Variants in ZNF274 observed in about 807,000 individuals in gnomAD.
The protein encoded by ZNF274 is neurotrophin receptor-interacting factor homolog.
In ZNF274, 23 loss-of-function variants were observed where a neutral mutation model predicts 42.5. The observed-to-expected ratio is 0.54, with a 90% CI of 0.39 to 0.77. The LOEUF (loss-of-function observed/expected upper bound fraction) is 0.77, where lower values mean the gene tolerates loss of function less well. ZNF274 is among the 30% of genes least tolerant of loss of function. The pLI is 0.00. For synonymous variants in ZNF274, 292 were observed against 305.4 expected (o/e 0.96, Z 0.46); for missense variants, 679 against 806.5 (o/e 0.84, Z 1.91).
Position 58,211,736 on chromosome 19 carries a change from A to G in ZNF274, c.979+50A>G, listed in dbSNP as rs2076042886. 1 of 1,573,558 alleles carries G rather than the reference A, an allele frequency of 6.4e-7. No homozygotes were observed. Among genetic ancestry groups the G allele is most frequent in the African/African-American group, 1.4e-5 (1 of 73,852 alleles). On this transcript the variant is annotated intron_variant, in intron 7 of 7. Coordinates refer to ENST00000617501, the MANE Select transcript of ZNF274 (RefSeq NM_133502.3). This position sits in a 1 kb window ranked among gnomAD's most constrained non-coding sequence, Gnocchi z 4.8. ...CACCTCAGGGCTGGTAGGCCACAGG[A>G]GCCCCAAGTCAGGGGTGTTCACCTT...
At chr19:58,202,839 C>T (rs1005037800) in intron 4 of ZNF274, among the ~76,000 whole-genome samples, 9 of 152,178 alleles carry the variant, frequency 5.9e-5, no homozygotes, top group African/African-American at 2.2e-4. Context: ...TCACCAGTTT[C>T]TGGGTTTGTG....
chr19:58,210,306 G>A (rs2076025747), intron 6 of ZNF274: 1 of 438,062 alleles, frequency 2.3e-6, no homozygotes. Context: ...AGCTGAGAAA[G>A]CAGGAGGCAA....
At chr19:58,195,084 G>A (rs2075825613) in intron 4 of ZNF274, among the ~76,000 whole-genome samples, 1 of 151,740 alleles carries the variant, frequency 6.6e-6, no homozygotes. Flanking sequence ...TGTAGTCCCA[G>A]CTACTCGGGA....
At chr19:58,209,353 A>C (rs1232762754) in intron 5 of ZNF274, 1 of 152,384 alleles carries the variant, frequency 6.6e-6, no homozygotes, top group African/African-American at 2.4e-5. Flanking sequence ...GTGGGGGTAG[A>C]TTAGCATTGT....
chr19:58,187,135 C>T, intron 4 of ZNF274, 93 bp downstream of exon 4: 1 of 1,093,368 alleles, frequency 9.1e-7, no homozygotes, highest in Non-Finnish European at 1.3e-6. Context: ...ATTGGGATAC[C>T]CCAGGTGGGA....
chr19:58,184,777 C>T (rs1179249875), intron 2 of ZNF274: 1 of 152,056 alleles, frequency 6.6e-6, no homozygotes, highest in Non-Finnish European at 1.5e-5. Flanking sequence ...CAGAGAATTC[C>T]CTAGGAGGCA....
intron 3 of ZNF274, 45 bp from the exon 4 acceptor site, chr19:58,186,902 C>T (rs11669824): frequency 1.3e-6 from 2 of 1,553,758 alleles, no homozygotes; most frequent in Admixed American, 1.8e-5. Flanking sequence ...GCATTTTCTC[C>T]TGAACACAGA....
Position 58,207,673 on chromosome 19 carries a change from A to T in ZNF274, c.739+471A>T, listed in dbSNP as rs1332003433. Among the ~76,000 whole-genome samples, 1 of 152,128 alleles carries T rather than the reference A, an allele frequency of 6.6e-6. No individual in the cohort carries two copies. Among genetic ancestry groups the T allele is most frequent in the African/African-American group, 2.4e-5 (1 of 41,422 alleles). ...GCCAGGGTAAAGAAAGGGGGCAGGA[A>T]AGATGTGCCATGCAGAGGGGAGCAC... is the stretch of plus-strand genomic sequence containing the variant. On this transcript the variant is annotated intron_variant, in intron 5 of 7. Coordinates refer to ENST00000617501, the MANE Select transcript of ZNF274 (RefSeq NM_133502.3). The surrounding 1 kb of genome is among the most constrained non-coding windows in gnomAD (Gnocchi z 5.6).
rs1478041134 is a variant in ZNF274, at chr19:58,207,599, T to G, written c.739+397T>G. Among the ~76,000 whole-genome samples, 1 of 151,986 alleles carries G rather than the reference T, an allele frequency of 6.6e-6. No individual in the cohort carries two copies. Among genetic ancestry groups the G allele is most frequent in the African/African-American group, 2.4e-5 (1 of 41,378 alleles). On this transcript the variant is annotated intron_variant, in intron 5 of 7. Transcript: ENST00000617501. The surrounding 1 kb of genome is among the most constrained non-coding windows in gnomAD (Gnocchi z 5.6). ...GACTATGAGGAGCTCGAGGTGATGGTGAGGCTTATGAAGGTCTGCAGCTGA... is the reference window on the plus strand; with the variant it reads ...GACTATGAGGAGCTCGAGGTGATGGGGAGGCTTATGAAGGTCTGCAGCTGA...
At position 58,213,164 on chromosome 19, in the gene ZNF274, A is replaced by G. The variant is rs759183763; in HGVS notation, c.*21A>G. The G allele has an allele frequency of 3.8e-6, 6 of 1,584,564 alleles. No homozygotes were observed. Among genetic ancestry groups the G allele is most frequent in the Non-Finnish European group, 5.2e-6 (6 of 1,164,994 alleles). On this transcript the variant is annotated 3_prime_UTR_variant, in exon 8 of 8. Transcript: ENST00000617501. Reference sequence around the variant, plus strand: ...CATAGCTCTCAAGCCAGTTGAAGAAACCTTGCCTTTTCAGCTTGACCCTGC... The same window carrying G: ...CATAGCTCTCAAGCCAGTTGAAGAAGCCTTGCCTTTTCAGCTTGACCCTGC...
Position 58,207,036 on chromosome 19 carries a change from G to A in ZNF274, c.573G>A (p.Gln191=). 6 of 1,612,548 alleles carry A rather than the reference G, an allele frequency of 3.7e-6. No homozygotes were observed. The South Asian group carries it at 6.6e-5, about 18-fold the overall frequency. The change falls in exon 5 of 8, where the codon CAG becomes CAA. Residue 191 remains glutamine, a synonymous_variant. Coordinates refer to ENST00000617501, the MANE Select transcript of ZNF274 (RefSeq NM_133502.3). This position sits in a 1 kb window ranked among gnomAD's most constrained non-coding sequence, Gnocchi z 5.6. ...QLRELCHQWL[Q]PKARSKEQIL... is the part of the protein sequence containing the mutation. ...GAGAGCTGTGTCACCAGTGGCTACA[G>A]CCTAAGGCACGCTCCAAGGAGCAGA... is the stretch of plus-strand genomic sequence containing the variant.
At chr19:58,192,053 A>G (rs928549351) in intron 4 of ZNF274, among the ~76,000 whole-genome samples, 4 of 152,170 alleles carry the variant, frequency 2.6e-5, no homozygotes, top group African/African-American at 9.7e-5. Flanking sequence ...GTCAGGGGAC[A>G]CTGCAGGGGT....
intron 4 of ZNF274, among the ~76,000 whole-genome samples, chr19:58,201,427 C>T (rs148387844): frequency 0.011 from 1,665 of 152,142 alleles, 10 homozygotes; most frequent in Non-Finnish European, 0.018. Flanking sequence ...ACTTTTCAAC[C>T]TGAGATTTGG....
At chr19:58,194,700 T>C (rs2146210280) in intron 4 of ZNF274, among the ~76,000 whole-genome samples, 1 of 152,108 alleles carries the variant, frequency 6.6e-6, no homozygotes, top group African/African-American at 2.4e-5. Flanking sequence ...CTTTTTGTGT[T>C]GAAATAATTT....
intron 4 of ZNF274, among the ~76,000 whole-genome samples, chr19:58,191,546 C>A (rs1298905948): frequency 6.6e-6 from 1 of 152,216 alleles, no homozygotes; most frequent in African/African-American, 2.4e-5. Flanking sequence ...AATGGGCAAA[C>A]CTCCAGGCCA....
At chr19:58,202,406 C>T (rs1308583372) in intron 4 of ZNF274, 1 of 152,262 alleles carries the variant, frequency 6.6e-6, no homozygotes, top group South Asian at 2.1e-4. Context: ...GGTATCTCAT[C>T]ACTTTGGGTG....
rs558700527 is a variant in ZNF274, at chr19:58,186,870, C to T, written c.161-77C>T. 225 of 1,253,042 alleles carry T rather than the reference C, an allele frequency of 1.8e-4. 1 individual carries two copies. In the South Asian group the frequency reaches 2.4e-3, roughly 13 times the overall value. 77.6% of individuals were successfully genotyped at this position (1,253,042 alleles called of 1,614,324 possible). A position where few individuals can be genotyped will look rare whatever the true frequency, so the allele number is the denominator to read the frequency against. On this transcript the variant is annotated intron_variant, in intron 3 of 7. Coordinates refer to ENST00000617501, the MANE Select transcript of ZNF274 (RefSeq NM_133502.3). The stretch of plus-strand genomic sequence containing the variant: ...GCCTTAGCAGGGGAGAAGCTGGAGA[C>T]GGCTTGTGCTGCAGTAGGATAGCAT...
In ZNF274 at chr19:58,210,092, C is replaced by T; in HGVS notation, c.852+19C>T. ...CCCTGAGGTAAGCGGGGAGTATCAC[C>T]CTGTTTTGGTCACAGCATCTCCTGT... On this transcript the variant is annotated intron_variant, in intron 6 of 7. Coordinates refer to ENST00000617501, the MANE Select transcript of ZNF274 (RefSeq NM_133502.3). The T allele has an allele frequency of 6.2e-7, 1 of 1,606,980 alleles. No homozygotes were observed. Among genetic ancestry groups the T allele is most frequent in the Non-Finnish European group, 8.5e-7 (1 of 1,174,630 alleles).
rs1568709825 is a variant in ZNF274 at position 58,206,789 on chromosome 19, A to C, written c.326A>C (p.Glu109Ala). Residue 109 changes from glutamate to alanine, a missense_variant, in exon 5 of 8, where the codon GAG (glutamate) becomes GCG (alanine). This residue lies in a region of ZNF274 where 223 missense variants were observed against 216.4 expected (regional missense o/e 1.03). Transcript: ENST00000617501. ...LPAESPLMNI[E>A]VVEVLTLNQE... ...GCTGAGAGTCCCCTAATGAACATTG[A>C]GGTTGTTGAGGTCCTCACACTGAAC... 1 of 1,613,464 alleles carries C rather than the reference A, an allele frequency of 6.2e-7. No homozygotes were observed. The highest frequency in any genetic ancestry group is 8.5e-7 in the Non-Finnish European group (1 of 1,179,720).
Sources: allele counts gnomAD v4.1 joint callset (sites outside exome capture counted in the v4.1 genomes callset), GRCh38; gene constraint gnomAD v4.1.1; regional missense constraint gnomAD v4.1.1; non-coding constraint Gnocchi (gnomAD v3.1); transcripts MANE v1.5; gene names NCBI Gene and HGNC (gene_info 2026-07-23, HGNC 2026-07-21).